The following CPEB4 variants were observed in gnomAD, a reference collection of about 807,000 sequenced individuals.
CPEB4 encodes the protein cytoplasmic polyadenylation element binding protein 4.
A neutral mutation model predicts 72.5 loss-of-function variants in CPEB4; 12 were observed. The observed-to-expected ratio is 0.17, with a 90% CI of 0.11 to 0.27. The LOEUF (loss-of-function observed/expected upper bound fraction) is 0.27. Among genes scored for constraint, CPEB4 ranks in the 10% least tolerant of loss-of-function variants. The probability of loss-of-function intolerance (pLI) is 1.00; values close to 1 mark genes in which losing one functional copy is unlikely to be tolerated. For missense variants in CPEB4, 614 were observed against 908.5 expected (o/e 0.68, Z 4.17); for synonymous variants, 302 against 326.3 (o/e 0.93, Z 0.80).
At chr5:173,926,772 C>T (rs1303286862) in intron 2 of CPEB4, among the ~76,000 whole-genome samples, 1 of 152,230 alleles carries the variant, frequency 6.6e-6, no homozygotes, top group African/African-American at 2.4e-5. Flanking sequence ...CAAATAGGTT[C>T]ACATGCTGAA....
chr5:173,952,540 T>C (rs1192813079), intron 8 of CPEB4, among the ~76,000 whole-genome samples: 1 of 152,174 alleles, frequency 6.6e-6, no homozygotes, highest in Non-Finnish European at 1.5e-5. Flanking sequence ...AGCTGCACGA[T>C]TTTAACACTT....
At chr5:173,909,870 G>A (rs979736012) in intron 1 of CPEB4, among the ~76,000 whole-genome samples, 2 of 151,570 alleles carry the variant, frequency 1.3e-5, no homozygotes, top group Admixed American at 6.6e-5. Context: ...TTTGGTGGCG[G>A]GTGCCTGTAA....
At chr5:173,936,329 T>C (rs982988770) in intron 3 of CPEB4, among the ~76,000 whole-genome samples, 3 of 152,244 alleles carry the variant, frequency 2.0e-5, no homozygotes, top group Admixed American at 6.5e-5. Context: ...GTTTTCCATC[T>C]GTGCATGTCT....
intron 2 of CPEB4, among the ~76,000 whole-genome samples, chr5:173,919,204 AT>A (rs1243901321): frequency 6.6e-6 from 1 of 152,230 alleles, no homozygotes; most frequent in Admixed American, 6.5e-5. Flanking sequence ...CAGGTAACAA[AT>A]TAACAAGTAC....
chr5:173,908,316 A>C (rs1426294162), intron 1 of CPEB4, among the ~76,000 whole-genome samples: 1 of 152,190 alleles, frequency 6.6e-6, no homozygotes, highest in African/African-American at 2.4e-5. Context: ...TGAGGAAAGA[A>C]TCCGGTGGAA....
Position 173,888,446 on chromosome 5 carries a change from CAGAGGAGGA to C in CPEB4, c.-1275_-1267del, listed in dbSNP as rs1383532913. The C allele has an allele frequency of 6.6e-6, 3 of 454,354 alleles. No homozygotes were observed. The highest frequency in any genetic ancestry group is 6.1e-5 in the African/African-American group (3 of 48,910). The allele number at this position is 454,354 out of a possible 1,614,324, so 28.1% of individuals were successfully genotyped here. On this transcript the variant is annotated 5_prime_UTR_variant, in exon 1 of 10. Coordinates refer to ENST00000265085, the MANE Select transcript of CPEB4 (RefSeq NM_030627.4). The surrounding 1 kb of genome is among the most constrained non-coding windows in gnomAD (Gnocchi z 4.3). ...GCGGCGGCGGCAGCAGCGGCGACAG[CAGAGGAGGA>C]AGAGGAGGAAGAAGGAAAGAAAAAG...
At chr5:173,938,304 C>A (rs186937161) in intron 3 of CPEB4, among the ~76,000 whole-genome samples, 1 of 152,272 alleles carries the variant, frequency 6.6e-6, no homozygotes. Context: ...CAGCTCACTG[C>A]AATCTTTACC....
intron 9 of CPEB4, among the ~76,000 whole-genome samples, chr5:173,954,342 A>G (rs1758309555): frequency 6.6e-6 from 1 of 152,170 alleles, no homozygotes; most frequent in South Asian, 2.1e-4. Flanking sequence ...TATTCTAAGC[A>G]TGGGGGAGGG....
chr5:173,945,387 T>G (rs1262612996), intron 5 of CPEB4, among the ~76,000 whole-genome samples: 2 of 152,230 alleles, frequency 1.3e-5, no homozygotes, highest in Non-Finnish European at 2.9e-5. Context: ...CTGGGAAAGC[T>G]TCCAAGGGAC....
intron 1 of CPEB4, among the ~76,000 whole-genome samples, chr5:173,894,518 G>A (rs562764185): frequency 3.3e-5 from 5 of 151,582 alleles, no homozygotes; most frequent in African/African-American, 1.2e-4. Flanking sequence ...CTACTCCAGA[G>A]GCTGAGGCAG....
intron 1 of CPEB4, among the ~76,000 whole-genome samples, chr5:173,895,715 A>C (rs1400984530): frequency 1.3e-5 from 2 of 152,230 alleles, no homozygotes; most frequent in East Asian, 3.8e-4. Flanking sequence ...GGATGGTTCT[A>C]GATCTAGCAG....
In CPEB4 at chr5:173,953,642, C is replaced by CT. The variant is rs1290815393; in HGVS notation, c.1962+378dup. ...AGGAATGCCCTTGAGGTTTCCTGCC[C>CT]TTTTTTTTGTTTGTTTTTTAATCCT... is the stretch of plus-strand genomic sequence containing the variant. On this transcript the variant is annotated intron_variant, in intron 9 of 9. Coordinates refer to ENST00000265085, the MANE Select transcript of CPEB4 (RefSeq NM_030627.4). Among the ~76,000 whole-genome samples the CT allele has an allele frequency of 3.3e-5, 5 of 151,784 alleles. No homozygotes were observed. In the East Asian group the frequency reaches 5.8e-4, roughly 18 times the overall value.
Position 173,921,022 on chromosome 5 carries a change from T to C in CPEB4, c.1207+10418T>C, listed in dbSNP as rs56376721. ...TGGGCCTCTTCAGCCATGGGAATTA[T>C]TTGATAGAGCCTGTGAACCCATTAG... On this transcript the variant is annotated intron_variant, in intron 2 of 9. Transcript: ENST00000265085. Among the ~76,000 whole-genome samples, 685 of 152,352 alleles carry C rather than the reference T, an allele frequency of 4.5e-3. 6 individuals are homozygous for C. Among genetic ancestry groups the C allele is most frequent in the African/African-American group, 0.014 (583 of 41,584 alleles).
At position 173,956,088 on chromosome 5, in the gene CPEB4, T is replaced by A. The variant is rs775352663; in HGVS notation, c.2141T>A (p.Val714Glu). The A allele has an allele frequency of 6.2e-7, 1 of 1,614,142 alleles. No individual in the cohort carries two copies. The highest frequency in any genetic ancestry group is 8.5e-7 in the Non-Finnish European group (1 of 1,180,008). ...GGCAGGGAATTCCACAAGCCCCTGG[T>A]GAAGGAAGGCGGTGACCGCCCTCGG... Reference protein sequence around the residue: ...RAGREFHKPLVKEGGDRPRHI... With the variant: ...RAGREFHKPLEKEGGDRPRHI... Residue 714 changes from valine to glutamate, a missense_variant, in exon 10 of 10, where the codon GTG becomes GAG. By Grantham distance (121) the Val-to-Glu change is moderately radical. Transcript: ENST00000265085.
chr5:173,899,234 C>G (rs1756136163), intron 1 of CPEB4, among the ~76,000 whole-genome samples: 1 of 152,152 alleles, frequency 6.6e-6, no homozygotes, highest in East Asian at 1.9e-4. Flanking sequence ...ATTATCAGCT[C>G]CTGGACAATC....
chr5:173,933,239 A>G (rs1163292933), intron 3 of CPEB4, among the ~76,000 whole-genome samples: 1 of 152,214 alleles, frequency 6.6e-6, no homozygotes, highest in African/African-American at 2.4e-5. Flanking sequence ...GTCAAAGCTC[A>G]TTTTAAGTCC....
intron 2 of CPEB4, among the ~76,000 whole-genome samples, chr5:173,928,426 A>G (rs571366451): frequency 2.0e-4 from 31 of 152,320 alleles, no homozygotes; most frequent in Admixed American, 3.9e-4. Context: ...AAATCTCTGT[A>G]TCTTCCTCTC....
chr5:173,918,854 C>A (rs1244849440), intron 2 of CPEB4, among the ~76,000 whole-genome samples: 1 of 152,068 alleles, frequency 6.6e-6, no homozygotes, highest in African/African-American at 2.4e-5. Flanking sequence ...CTTAAGCAGC[C>A]CCTTTATCTT....
chr5:173,910,249 A>T (rs111254664), intron 1 of CPEB4, among the ~76,000 whole-genome samples: 2 of 152,302 alleles, frequency 1.3e-5, no homozygotes, highest in African/African-American at 4.8e-5. Context: ...TAACTAATAC[A>T]GAAATTCGTT....
Sources: gnomAD v4.1 joint callset for allele counts (sites outside exome capture counted in the v4.1 genomes callset) on GRCh38, gnomAD v4.1.1 for gene constraint, Gnocchi (gnomAD v3.1) non-coding constraint, MANE v1.5 for transcripts, NCBI Gene and HGNC (gene_info 2026-07-23, HGNC 2026-07-21) for gene names.